RNF135: variants seen among roughly 807,000 people sequenced by gnomAD.
RNF135 encodes ring finger protein 135.
In RNF135, 46 loss-of-function variants were observed where a neutral mutation model predicts 41.9. The ratio of observed to expected loss-of-function variants is 1.10; its 90% CI spans 0.87 to 1.40. RNF135 has a LOEUF of 1.40. Ranked by LOEUF, RNF135 falls within the 40% of genes most tolerant of loss-of-function variation. The probability of loss-of-function intolerance (pLI) is 0.00; values close to 1 mark genes in which losing one functional copy is unlikely to be tolerated. For missense variants in RNF135, 539 were observed against 549.8 expected (o/e 0.98, Z 0.20); for synonymous variants, 238 against 223.8 (o/e 1.06, Z -0.57).
upstream of RNF135, among the ~76,000 whole-genome samples, chr17:30,969,759 CTT>C (rs757330088): frequency 2.7e-3 from 325 of 122,630 alleles, 4 homozygotes; most frequent in African/African-American, 8.4e-3. Context: ...TCTTTTTTTT[CTT>C]TTTTTTTTTT....
At chr17:30,993,445 A>G (rs1187079296) in intron 3 of RNF135, among the ~76,000 whole-genome samples, 2 of 149,804 alleles carry the variant, frequency 1.3e-5, no homozygotes, top group African/African-American at 4.9e-5. Flanking sequence ...GCTTCCAGCA[A>G]TCCTTGTGCT....
At chr17:30,997,612 T>C (rs1164152764) in intron 4 of RNF135, 1 of 507,346 alleles carries the variant, frequency 2.0e-6, no homozygotes, top group African/African-American at 1.9e-5. Context: ...TTTCTGCATC[T>C]GTGCTGTGGC....
intron 1 of RNF135, chr17:30,975,272 GT>G: frequency 1.8e-6 from 1 of 564,992 alleles, no homozygotes; most frequent in South Asian, 2.0e-5. Flanking sequence ...GCAGTGAGCT[GT>G]TTTCATGTCA....
intron 2 of RNF135, among the ~76,000 whole-genome samples, chr17:30,987,387 A>G (rs894047079): frequency 6.6e-6 from 1 of 152,058 alleles, no homozygotes; most frequent in African/African-American, 2.4e-5. Flanking sequence ...ACTTGCCATC[A>G]TGCCTGGCTA....
At chr17:30,997,420 G>A in intron 4 of RNF135, 89 bp downstream of exon 4, 1 of 1,119,330 alleles carries the variant, frequency 8.9e-7, no homozygotes, top group Non-Finnish European at 1.4e-6. Flanking sequence ...TACTGCTAGG[G>A]CCACTCCTTG....
intron 1 of RNF135, among the ~76,000 whole-genome samples, chr17:30,976,154 C>T (rs541640857): frequency 5.3e-5 from 8 of 152,170 alleles, no homozygotes; most frequent in South Asian, 2.1e-4. Context: ...TACAGGCACA[C>T]GCCACCACAC....
At chr17:30,986,412 G>A (rs1261977925) in intron 2 of RNF135, among the ~76,000 whole-genome samples, 3 of 152,076 alleles carry the variant, frequency 2.0e-5, no homozygotes, top group Admixed American at 1.3e-4. Context: ...GGCCAGTCTG[G>A]CCTCAAACTC....
At chr17:30,987,058 G>C (rs1907641810) in intron 2 of RNF135, among the ~76,000 whole-genome samples, 1 of 152,138 alleles carries the variant, frequency 6.6e-6, no homozygotes, top group Admixed American at 6.5e-5. Context: ...AAGGAAAGGG[G>C]TTGAAGTTGG....
chr17:30,996,871 T>G (rs1359926515), intron 3 of RNF135, among the ~76,000 whole-genome samples: 1 of 152,210 alleles, frequency 6.6e-6, no homozygotes, highest in African/African-American at 2.4e-5. Context: ...TCCTGGATAT[T>G]CTAGGTGTTA....
In RNF135 at chr17:30,999,018, G is replaced by C; in HGVS notation, c.1126G>C (p.Val376Leu). Reference sequence around the variant, plus strand: ...CCTTGGCTCAGACAGACCTGGGGTGGTGGGCATCTGGCTGAACCTTGAGGA... The same window carrying C: ...CCTTGGCTCAGACAGACCTGGGGTGCTGGGCATCTGGCTGAACCTTGAGGA... ...TVLGSDRPGV[V>L]GIWLNLEEGK... Residue 376 changes from valine to leucine, a missense_variant, in exon 5 of 5, where the codon GTG (valine) becomes CTG (leucine). Coordinates refer to ENST00000328381, the MANE Select transcript of RNF135 (RefSeq NM_032322.4). The C allele has an allele frequency of 6.2e-7, 1 of 1,614,180 alleles. No individual in the cohort carries two copies. Among genetic ancestry groups the C allele is most frequent in the East Asian group, 2.2e-5 (1 of 44,884 alleles).
intron 1 of RNF135, chr17:30,975,710 A>G (rs1172706164): frequency 1.4e-6 from 2 of 1,419,616 alleles, no homozygotes; most frequent in African/African-American, 2.8e-5. Flanking sequence ...CACACTACCC[A>G]GATTGCCCAA....
At chr17:30,975,261 T>C (rs1207539961) in intron 1 of RNF135, 1 of 534,134 alleles carries the variant, frequency 1.9e-6, no homozygotes, top group Non-Finnish European at 3.4e-6. Context: ...AGGTTGAGGC[T>C]GCAGTGAGCT....
At chr17:30,970,972 G>A, upstream of RNF135, 6 of 1,486,470 alleles carry the variant, frequency 4.0e-6, no homozygotes, top group East Asian at 2.5e-5. Flanking sequence ...AAAGGCGGCC[G>A]AGAAAAGGAG....
chr17:30,970,891 A>T, upstream of RNF135: 1 of 809,416 alleles, frequency 1.2e-6, no homozygotes. Flanking sequence ...CCAGCTGGGC[A>T]CTGGAGGCTC....
At chr17:30,971,820 G>C (rs1905986206) in intron 1 of RNF135, 1 of 737,016 alleles carries the variant, frequency 1.4e-6, no homozygotes, top group African/African-American at 1.9e-5. Flanking sequence ...GTCTCGCTCT[G>C]TCGCCCAGGC....
At chr17:30,997,607 G>A (rs1400471444) in intron 4 of RNF135, 12 of 519,898 alleles carry the variant, frequency 2.3e-5, no homozygotes, top group South Asian at 6.2e-5. Context: ...AGGTATTTCT[G>A]CATCTGTGCT....
chr17:30,961,488 A>T, the RNF135 span, among the ~76,000 whole-genome samples: 9 of 151,190 alleles, frequency 6.0e-5, 1 homozygote, highest in African/African-American at 2.2e-4. Flanking sequence ...TCTGAGATGG[A>T]GTCTTGCTCT....
At position 30,971,077 on chromosome 17, in the gene RNF135, G is replaced by C. The variant is rs1905861415; in HGVS notation, c.4G>C (p.Ala2Pro). Residue 2 changes from alanine (A) to proline (P), a missense_variant, in exon 1 of 5, where the codon GCG becomes CCG. By Grantham distance (27) the Ala-to-Pro change is conservative. Transcript: ENST00000328381. ...GCGCCCCGGCCGCCTGTTGGCCATG[G>C]CGGGCCTGGGCCTGGGCTCCGCCGT... M[A>P]GLGLGSAVPV... 3.3e-6 allele frequency: 5 copies of C among 1,534,258 alleles called. No individual in the cohort carries two copies. Among genetic ancestry groups the C allele is most frequent in the Non-Finnish European group, 4.4e-6 (5 of 1,146,074 alleles).
upstream of RNF135, chr17:30,968,919 T>A (rs1905670967): frequency 6.6e-6 from 1 of 151,996 alleles, no homozygotes; most frequent in South Asian, 2.1e-4. Flanking sequence ...CAGGCTGGAG[T>A]GAAGTGGTGT....
Sources: gnomAD v4.1 joint callset for allele counts (sites outside exome capture counted in the v4.1 genomes callset) on GRCh38, gnomAD v4.1.1 for gene constraint, MANE v1.5 for transcripts, NCBI Gene and HGNC (gene_info 2026-07-23, HGNC 2026-07-21) for gene names.